Variants in RBPJ observed in about 807,000 individuals in gnomAD.
The protein encoded by RBPJ is recombining binding protein suppressor of hairless.
Under a neutral mutation model 67.8 loss-of-function variants are expected in RBPJ, and 9 were observed. That is an observed-to-expected ratio of 0.13 (90% CI 0.08 to 0.23). The LOEUF is 0.23. RBPJ is among the 10% of genes least tolerant of loss of function. The probability of loss-of-function intolerance (pLI) is 1.00; values close to 1 mark genes in which losing one functional copy is unlikely to be tolerated. For synonymous variants in RBPJ, 198 were observed against 203.3 expected (o/e 0.97, Z 0.22); for missense variants, 305 against 595.6 (o/e 0.51, Z 5.08).
intron 1 of RBPJ, among the ~76,000 whole-genome samples, chr4:26,308,404 A>AT (rs1560254830): frequency 6.6e-6 from 1 of 152,252 alleles, no homozygotes; most frequent in Non-Finnish European, 1.5e-5. Context: ...TAATAGAATG[A>AT]TTAGAAATTA....
the RBPJ span, among the ~76,000 whole-genome samples, chr4:26,136,378 C>T: frequency 6.6e-6 from 1 of 152,238 alleles, no homozygotes; most frequent in Non-Finnish European, 1.5e-5. Flanking sequence ...GGGTGCAGTC[C>T]AGTCCTGCCC....
exon 1 of RBPJ, chr4:26,163,583 A>G (rs991242687): frequency 6.6e-6 from 1 of 152,168 alleles, no homozygotes; most frequent in African/African-American, 2.4e-5. Flanking sequence ...TCTCTTTGAG[A>G]TGATTGGACT....
chr4:26,252,501 G>A (rs1420362760), intron 1 of RBPJ, among the ~76,000 whole-genome samples: 8 of 152,086 alleles, frequency 5.3e-5, no homozygotes, highest in African/African-American at 7.2e-5. Context: ...CAGGAGAATC[G>A]CCTGAGCCTC....
rs1245630388 is a variant in RBPJ at position 26,375,514 on chromosome 4, A to T, written c.21-10839A>T. Among the ~76,000 whole-genome samples the T allele has an allele frequency of 3.3e-5, 5 of 152,298 alleles. No homozygotes were observed. In the East Asian group the frequency reaches 9.6e-4, roughly 29 times the overall value. On this transcript the variant is annotated intron_variant, in intron 1 of 10. Coordinates refer to ENST00000355476, the MANE Select transcript of RBPJ (RefSeq NM_015874.6). ...AATAGTGAAAGGGAAAAGGAACCAG[A>T]ATCTAGGAGAACAGTTAATTATTAC...
chr4:26,312,754 C>T (rs1390131028), intron 1 of RBPJ, among the ~76,000 whole-genome samples: 1 of 152,210 alleles, frequency 6.6e-6, no homozygotes. Context: ...TTCTTTTAGA[C>T]AGGGAGTCCT....
Position 26,430,215 on chromosome 4 carries a change from T to G in RBPJ, c.1044+162T>G, listed in dbSNP as rs572313342. ...TGATTTAAAGAAAAAAAAACAAAATTAGGAGGAGCGTACTTGCCAGAAAAT... is the reference window on the plus strand; with the variant it reads ...TGATTTAAAGAAAAAAAAACAAAATGAGGAGGAGCGTACTTGCCAGAAAAT... On this transcript the variant is annotated intron_variant, in intron 9 of 10. Coordinates refer to ENST00000355476, the MANE Select transcript of RBPJ (RefSeq NM_015874.6). The surrounding 1 kb of genome is among the most constrained non-coding windows in gnomAD (Gnocchi z 4.1). 6.1e-5 allele frequency: 57 copies of G among 934,854 alleles called. No homozygotes were observed. In the African/African-American group the frequency reaches 9.4e-4, roughly 15 times the overall value. The allele number at this position is 934,854 out of a possible 1,614,324, so 57.9% of individuals were successfully genotyped here. A position where few individuals can be genotyped will look rare whatever the true frequency, so the allele number is the denominator to read the frequency against.
intron 1 of RBPJ, among the ~76,000 whole-genome samples, chr4:26,364,485 CAACTTT>C (rs927993060): frequency 4.6e-5 from 7 of 152,010 alleles, no homozygotes; most frequent in African/African-American, 1.7e-4. Context: ...CTTGCTATCT[CAACTTT>C]AACATTTCTT....
chr4:26,335,510 C>T (rs1316775491), intron 1 of RBPJ, among the ~76,000 whole-genome samples: 1 of 151,356 alleles, frequency 6.6e-6, no homozygotes, highest in Non-Finnish European at 1.5e-5. Flanking sequence ...AGATATTCTG[C>T]GTTCTCTTCT....
the RBPJ span, among the ~76,000 whole-genome samples, chr4:26,144,814 C>T: frequency 6.6e-6 from 1 of 152,238 alleles, no homozygotes; most frequent in Admixed American, 6.5e-5. Context: ...CTGGGGAAGC[C>T]TGACTTTGAT....
chr4:26,210,737 TTCTTTCC>T (rs1293279648), intron 1 of RBPJ, among the ~76,000 whole-genome samples: 32 of 78,566 alleles, frequency 4.1e-4, no homozygotes, highest in Admixed American at 8.3e-4. Flanking sequence ...CCTTCTTTAC[TTCTTTCC>T]TTCTTTCCTT....
chr4:26,319,594 A>C, upstream of RBPJ: 1 of 551,080 alleles, frequency 1.8e-6, no homozygotes. Flanking sequence ...GCGAAAGCTT[A>C]GGCAACAGGG....
At chr4:26,156,052 A>T in the RBPJ span, among the ~76,000 whole-genome samples, 68 of 152,298 alleles carry the variant, frequency 4.5e-4, no homozygotes, top group African/African-American at 1.5e-3. Context: ...TGACATAAAC[A>T]ACTTGTTAAT....
chr4:26,166,959 T>G (rs1330715647), intron 1 of RBPJ, among the ~76,000 whole-genome samples: 1 of 152,212 alleles, frequency 6.6e-6, no homozygotes, highest in Admixed American at 6.5e-5. Flanking sequence ...CCCAGCACCA[T>G]TTATTAAATA....
chr4:26,183,033 A>G (rs900963137), intron 1 of RBPJ, among the ~76,000 whole-genome samples: 1 of 152,262 alleles, frequency 6.6e-6, no homozygotes, highest in Non-Finnish European at 1.5e-5. Context: ...CGTAAGTAGA[A>G]GGAATACACT....
chr4:26,434,479 G>A lies in RBPJ; in HGVS notation c.*3472G>A, dbSNP rs1736499345. On this transcript the variant is annotated 3_prime_UTR_variant, in exon 11 of 11. Transcript: ENST00000355476. ...TGTTTCTGATAAGTACTGAACAAAT[G>A]TGTGTAATTTTCTGTGCCAGACTTA... The A allele has an allele frequency of 6.6e-6, 1 of 152,212 alleles. No individual in the cohort carries two copies. The highest frequency in any genetic ancestry group is 1.5e-5 in the Non-Finnish European group (1 of 68,030). The allele number at this position is 152,212 out of a possible 1,614,324, so 9.4% of individuals were successfully genotyped here. A position where few individuals can be genotyped will look rare whatever the true frequency, so the allele number is the denominator to read the frequency against.
At chr4:26,150,268 A>G in the RBPJ span, among the ~76,000 whole-genome samples, 1 of 152,202 alleles carries the variant, frequency 6.6e-6, no homozygotes, top group African/African-American at 2.4e-5. Flanking sequence ...GAGAAAGCCT[A>G]CCTAATCATC....
intron 1 of RBPJ, among the ~76,000 whole-genome samples, chr4:26,217,840 G>A (rs1718768149): frequency 6.6e-6 from 1 of 152,180 alleles, no homozygotes; most frequent in South Asian, 2.1e-4. Flanking sequence ...CCTGGGTTTG[G>A]ACAGTCCCTG....
intron 1 of RBPJ, among the ~76,000 whole-genome samples, chr4:26,271,107 T>A (rs2109264168): frequency 6.6e-6 from 1 of 152,360 alleles, no homozygotes; most frequent in Middle Eastern, 3.4e-3. Context: ...GGTCTCACTA[T>A]GTTTCCCAGG....
chr4:26,319,893 G>T, upstream of RBPJ: 1 of 1,591,412 alleles, frequency 6.3e-7, no homozygotes, highest in Non-Finnish European at 8.6e-7. Flanking sequence ...CTGCAGGTAG[G>T]AGGAGGGGGC....
Sources: allele counts gnomAD v4.1 joint callset (sites outside exome capture counted in the v4.1 genomes callset), GRCh38; gene constraint gnomAD v4.1.1; non-coding constraint Gnocchi (gnomAD v3.1); transcripts MANE v1.5; gene names NCBI Gene and HGNC (gene_info 2026-07-23, HGNC 2026-07-21).